Variants in GMFB observed in about 807,000 individuals in gnomAD.
The protein encoded by GMFB is glia maturation factor beta.
A neutral mutation model predicts 25.6 loss-of-function variants in GMFB; 13 were observed. The observed-to-expected ratio is 0.51, with a 90% CI of 0.33 to 0.81. The LOEUF is 0.81. GMFB is among the 30% of genes least tolerant of loss of function. The pLI, the probability that GMFB is intolerant of heterozygous loss-of-function variation, is 0.02. For synonymous variants in GMFB, 57 were observed against 56.9 expected, an observed-to-expected ratio of 1.00 and a Z score of 0.00; for missense variants, 146 against 175.4, an observed-to-expected ratio of 0.83 and a Z score of 0.95.
At chr14:54,482,036 A>G (rs1260381018) in intron 3 of GMFB, 117 bp downstream of exon 3, 1 of 675,252 alleles carries the variant, frequency 1.5e-6, no homozygotes, top group African/African-American at 1.8e-5. Flanking sequence ...ATGCATAATG[A>G]GCATGTATTT....
chr14:54,487,311 C>A (rs1388448403), intron 1 of GMFB, among the ~76,000 whole-genome samples: 2 of 146,916 alleles, frequency 1.4e-5, no homozygotes, highest in African/African-American at 5.2e-5. Context: ...GCAGGTGGAT[C>A]ACGAGGTCAG....
At chr14:54,481,501 C>CAT in intron 3 of GMFB, 43 bp from the exon 4 acceptor site, 1 of 1,351,846 alleles carries the variant, frequency 7.4e-7, no homozygotes, top group East Asian at 2.3e-5. Context: ...TTTTCTTACC[C>CAT]ATAAGTCCTT....
chr14:54,482,307 A>G, intron 2 of GMFB, 105 bp from the exon 3 acceptor site: 1 of 703,638 alleles, frequency 1.4e-6, no homozygotes, highest in Non-Finnish European at 2.5e-6. Context: ...AAATTAAAAC[A>G]TCAAGAAACA....
At chr14:54,482,306 C>T (rs1418979540) in intron 2 of GMFB, 104 bp from the exon 3 acceptor site, 2 of 699,918 alleles carry the variant, frequency 2.9e-6, no homozygotes, top group Non-Finnish European at 5.1e-6. Context: ...AAAATTAAAA[C>T]ATCAAGAAAC....
rs190915315 is a variant in GMFB at position 54,487,116 on chromosome 14, T to C, written c.3+1809A>G. On this transcript the variant is annotated intron_variant, in intron 1 of 6. Coordinates refer to ENST00000358056, the MANE Select transcript of GMFB (RefSeq NM_004124.3). ...GAAATATTAATATATAGATCTGGGG[T>C]CAGGCGCGGTAGCTCACGTCTGTAA... Among the ~76,000 whole-genome samples, 1,226 of 152,220 alleles carry C rather than the reference T, an allele frequency of 8.1e-3. 21 individuals carry two copies. Among genetic ancestry groups the C allele is most frequent in the South Asian group, 0.028 (136 of 4,822 alleles).
chr14:54,486,689 T>C (rs2031787017), intron 1 of GMFB, among the ~76,000 whole-genome samples: 1 of 152,328 alleles, frequency 6.6e-6, no homozygotes, highest in Non-Finnish European at 1.5e-5. Flanking sequence ...ATCCTTTACA[T>C]AGATTTCCTT....
intron 2 of GMFB, chr14:54,483,387 C>A: frequency 2.9e-6 from 1 of 344,500 alleles, no homozygotes; most frequent in East Asian, 5.6e-5. Context: ...GGATGGGTCA[C>A]TGCAGATGGG....
intron 1 of GMFB, among the ~76,000 whole-genome samples, chr14:54,485,281 AC>A (rs2031766664): frequency 6.6e-6 from 1 of 152,006 alleles, no homozygotes; most frequent in African/African-American, 2.4e-5. Flanking sequence ...AAAGCTAAAG[AC>A]TCCATTAAAA....
At chr14:54,488,455 AT>A (rs1178209094) in intron 1 of GMFB, among the ~76,000 whole-genome samples, 1 of 152,248 alleles carries the variant, frequency 6.6e-6, no homozygotes, top group Non-Finnish European at 1.5e-5. Flanking sequence ...GGCCGAGAGA[AT>A]TCAATCGGAA....
chr14:54,488,807 G>A, intron 1 of GMFB, 118 bp downstream of exon 1: 1 of 739,560 alleles, frequency 1.4e-6, no homozygotes, highest in Non-Finnish European at 2.1e-6. Context: ...GCTGGGAGCG[G>A]AAGCGGCCGC....
chr14:54,486,064 A>T (rs1439354856), intron 1 of GMFB, among the ~76,000 whole-genome samples: 1 of 152,160 alleles, frequency 6.6e-6, no homozygotes, highest in East Asian at 1.9e-4. Flanking sequence ...AGCCTGGCTA[A>T]CATGGTGAAA....
intron 2 of GMFB, among the ~76,000 whole-genome samples, chr14:54,482,416 T>C (rs2031725613): frequency 1.3e-5 from 2 of 152,224 alleles, no homozygotes; most frequent in Admixed American, 1.3e-4. Flanking sequence ...TAATTCCCAG[T>C]ACCTAATTTG....
chr14:54,480,045 A>G (rs1209253939), intron 5 of GMFB, 186 bp from the exon 6 acceptor site: 17 of 484,008 alleles, frequency 3.5e-5, no homozygotes, highest in Non-Finnish European at 5.9e-5. Context: ...GTTAAGTTAT[A>G]AATAAACAAG....
rs780232790 is a variant in GMFB, at chr14:54,488,969, G to A, written c.-42C>T. 3.9e-6 allele frequency: 6 copies of A among 1,538,414 alleles called. No homozygotes were observed. In the African/African-American group the frequency reaches 5.7e-5, roughly 15 times the overall value. ...AGCGGCCTGTCGCCTACACTCGGGC[G>A]CCTTTAAGAATGGCACGGCGGCCGC... On this transcript the variant is annotated 5_prime_UTR_variant, in exon 1 of 7. Coordinates refer to ENST00000358056, the MANE Select transcript of GMFB (RefSeq NM_004124.3).
intron 3 of GMFB, 58 bp from the exon 4 acceptor site, chr14:54,481,516 G>T: frequency 2.8e-6 from 3 of 1,064,436 alleles, no homozygotes; most frequent in Non-Finnish European, 4.4e-6. Flanking sequence ...GTCCTTAAGA[G>T]ATACACCAAG....
At chr14:54,486,270 A>G (rs1208002595) in intron 1 of GMFB, among the ~76,000 whole-genome samples, 1 of 152,102 alleles carries the variant, frequency 6.6e-6, no homozygotes, top group Non-Finnish European at 1.5e-5. Context: ...CAAAAAAACA[A>G]AAACAAACAG....
chr14:54,487,555 A>G (rs947377342), intron 1 of GMFB, among the ~76,000 whole-genome samples: 6 of 151,464 alleles, frequency 4.0e-5, no homozygotes, highest in Non-Finnish European at 8.8e-5. Flanking sequence ...AACAAACAAA[A>G]AAACAAAATT....
chr14:54,482,182 G>A lies in GMFB; in HGVS notation c.121C>T (p.Arg41Cys), dbSNP rs752098440. The change falls in exon 3 of 7, where the codon CGC (arginine) becomes TGC (cysteine). Residue 41 changes from arginine (R) to cysteine (C), a missense_variant. Transcript: ENST00000358056. ...AGCTCCTCATCCAGTACCACCAGGC[G>A]TTTATCCTTGTCAATCTTCACTAAA... is the stretch of plus-strand genomic sequence containing the variant. ...AIIMKIDKDK[R>C]LVVLDEELEG... 28 of 1,603,490 alleles carry A rather than the reference G, an allele frequency of 1.7e-5. No individual in the cohort carries two copies. The highest frequency in any genetic ancestry group is 1.7e-4 in the Middle Eastern group (1 of 6,042).
intron 6 of GMFB, chr14:54,479,412 C>T (rs1322562600): frequency 1.2e-5 from 2 of 161,280 alleles, no homozygotes; most frequent in East Asian, 1.8e-4. Context: ...ATACTGAATT[C>T]CAGCACAGAA....
Sources: gnomAD v4.1 joint callset for allele counts (sites outside exome capture counted in the v4.1 genomes callset) on GRCh38, gnomAD v4.1.1 for gene constraint, MANE v1.5 for transcripts, NCBI Gene and HGNC (gene_info 2026-07-23, HGNC 2026-07-21) for gene names.